The following CDK19 variants were observed in gnomAD, a reference collection of about 807,000 sequenced individuals.
CDK19 encodes cyclin-dependent kinase 19.
CDK19 carries 20 observed loss-of-function variants against 68.3 expected under a neutral mutation model. The ratio of observed to expected loss-of-function variants is 0.29; its 90% CI spans 0.21 to 0.43. The LOEUF (loss-of-function observed/expected upper bound fraction) is 0.43, where lower values mean the gene tolerates loss of function less well. CDK19 is among the 20% of genes least tolerant of loss of function. CDK19 has a pLI of 1.00. For synonymous variants in CDK19, 221 were observed against 222.8 expected (o/e 0.99, Z 0.07); for missense variants, 339 against 623.5 (o/e 0.54, Z 4.86).
intron 1 of CDK19, among the ~76,000 whole-genome samples, chr6:110,789,425 T>C (rs1781448370): frequency 1.3e-5 from 2 of 152,108 alleles, no homozygotes; most frequent in African/African-American, 4.8e-5. Context: ...ACTACAGGCA[T>C]GCACCACCAC....
At chr6:110,754,762 C>T (rs1778722036) in intron 1 of CDK19, among the ~76,000 whole-genome samples, 1 of 152,056 alleles carries the variant, frequency 6.6e-6, no homozygotes, top group South Asian at 2.1e-4. Context: ...TTACAGGCGT[C>T]AGCCACCCTG....
At chr6:110,671,796 T>A (rs79905154) in intron 2 of CDK19, among the ~76,000 whole-genome samples, 121 of 152,162 alleles carry the variant, frequency 8.0e-4, no homozygotes, top group African/African-American at 2.6e-3. Context: ...TTTTTTTTTT[T>A]AGACAGTGTC....
At chr6:110,643,292 C>T in intron 4 of CDK19, 1 of 815,730 alleles carries the variant, frequency 1.2e-6, no homozygotes. Context: ...AAAAGAGGTC[C>T]ACCTAAAGGT....
At chr6:110,634,976 AAG>A (rs1336206912) in intron 5 of CDK19, among the ~76,000 whole-genome samples, 1 of 152,242 alleles carries the variant, frequency 6.6e-6, no homozygotes, top group Non-Finnish European at 1.5e-5. Flanking sequence ...TGAACTTTAA[AAG>A]AGTTTCAAAC....
At chr6:110,807,838 C>T (rs1385000004) in intron 1 of CDK19, among the ~76,000 whole-genome samples, 2 of 150,380 alleles carry the variant, frequency 1.3e-5, no homozygotes, top group Non-Finnish European at 3.0e-5. Flanking sequence ...AAGAGAGTCT[C>T]GTTCTGCTGC....
chr6:110,720,108 A>G (rs904933696), intron 2 of CDK19, among the ~76,000 whole-genome samples: 4 of 151,882 alleles, frequency 2.6e-5, no homozygotes, highest in African/African-American at 9.7e-5. Flanking sequence ...ACCCTGATTC[A>G]TGAAGTCATG....
intron 1 of CDK19, among the ~76,000 whole-genome samples, chr6:110,777,864 T>G (rs1794591): frequency 0.29 from 43,409 of 151,966 alleles, 6,852 homozygotes; most frequent in East Asian, 0.68. Context: ...CATTATGCTA[T>G]GTCATATAAG....
chr6:110,703,314 T>C (rs1181135456), intron 2 of CDK19, among the ~76,000 whole-genome samples: 1 of 152,156 alleles, frequency 6.6e-6, no homozygotes, highest in Non-Finnish European at 1.5e-5. Flanking sequence ...ATGTTAGCAG[T>C]ACTTTGAATA....
In CDK19 at chr6:110,777,603, A is replaced by G. The variant is rs552852386; in HGVS notation, c.129-31402T>C. Among the ~76,000 whole-genome samples the G allele has an allele frequency of 5.3e-5, 8 of 152,330 alleles. No individual in the cohort carries two copies. The South Asian group carries it at 1.7e-3, about 32-fold the overall frequency. On this transcript the variant is annotated intron_variant, in intron 1 of 12. Coordinates refer to ENST00000368911, the MANE Select transcript of CDK19 (RefSeq NM_015076.5). The stretch of plus-strand genomic sequence containing the variant: ...TATAGTGGTTCATCAAAAAAATTAA[A>G]CAGAGAATTACCATATGATCCAGCA...
intron 4 of CDK19, among the ~76,000 whole-genome samples, chr6:110,644,801 G>A (rs1158015756): frequency 6.6e-6 from 1 of 152,036 alleles, no homozygotes; most frequent in African/African-American, 2.4e-5. Context: ...GGGGGCCAGG[G>A]GGAGGGGAGG....
chr6:110,807,127 T>C (rs1782731890), intron 1 of CDK19, among the ~76,000 whole-genome samples: 1 of 148,866 alleles, frequency 6.7e-6, no homozygotes, highest in South Asian at 2.1e-4. Flanking sequence ...TAGCAAGACC[T>C]CATCTCTACA....
intron 4 of CDK19, among the ~76,000 whole-genome samples, chr6:110,641,247 G>A (rs1780142094): frequency 6.6e-6 from 1 of 152,084 alleles, no homozygotes; most frequent in Non-Finnish European, 1.5e-5. Flanking sequence ...AAAACATGAA[G>A]ATCTTGACTT....
chr6:110,815,260 GCC>G lies in CDK19; in HGVS notation c.-126_-125del. The G allele has an allele frequency of 1.3e-4, 136 of 1,022,854 alleles. No individual in the cohort carries two copies. The highest frequency in any genetic ancestry group is 1.6e-4 in the Non-Finnish European group (122 of 781,642). The allele number at this position is 1,022,854 out of a possible 1,614,324, so 63.4% of individuals were successfully genotyped here. On this transcript the variant is annotated 5_prime_UTR_variant, in exon 1 of 13. Transcript: ENST00000368911. Reference sequence around the variant, plus strand: ...CGCCTCTCGCGCGCGCGCGCGCGCCGCCCGCCGCCCGCCGCTCCGCGGTCCGC... The same window carrying G: ...CGCCTCTCGCGCGCGCGCGCGCGCCGCGCCGCCCGCCGCTCCGCGGTCCGC...
Position 110,621,070 on chromosome 6 carries a change from T to G in CDK19, c.1377+34A>C. On this transcript the variant is annotated intron_variant, in intron 12 of 12. Coordinates refer to ENST00000368911, the MANE Select transcript of CDK19 (RefSeq NM_015076.5). This position sits in a 1 kb window ranked among gnomAD's most constrained non-coding sequence, Gnocchi z 5.4. ...TAGGATAAATCTTTTCCCCACTTCATAAAGCATATGAACATTAGACATTCA... is the reference window on the plus strand; with the variant it reads ...TAGGATAAATCTTTTCCCCACTTCAGAAAGCATATGAACATTAGACATTCA... 6.4e-7 allele frequency: 1 copy of G among 1,572,340 alleles called. No homozygotes were observed. Among genetic ancestry groups the G allele is most frequent in the Non-Finnish European group, 8.6e-7 (1 of 1,158,246 alleles).
chr6:110,720,047 G>GGGTTTAAC (rs1562230609), intron 2 of CDK19, among the ~76,000 whole-genome samples: 1 of 137,508 alleles, frequency 7.3e-6, no homozygotes, highest in Non-Finnish European at 1.5e-5. Flanking sequence ...ACTGTGCTCT[G>GGGTTTAAC]CCATGGCAGT....
At chr6:110,790,242 T>C (rs1781496342) in intron 1 of CDK19, among the ~76,000 whole-genome samples, 1 of 152,090 alleles carries the variant, frequency 6.6e-6, no homozygotes, top group East Asian at 1.9e-4. Flanking sequence ...TTTTTAATTA[T>C]ATAGGTTCTT....
chr6:110,662,000 C>T (rs1348222353), intron 4 of CDK19, among the ~76,000 whole-genome samples: 3 of 152,042 alleles, frequency 2.0e-5, no homozygotes, highest in African/African-American at 4.8e-5. Context: ...GACTGAGTCT[C>T]GCTCTATTGC....
chr6:110,621,262 C>A lies in CDK19; in HGVS notation c.1219G>T (p.Gly407Trp). 6.2e-7 allele frequency: 1 copy of A among 1,613,284 alleles called. No homozygotes were observed. The highest frequency in any genetic ancestry group is 8.5e-7 in the Non-Finnish European group (1 of 1,179,900). Residue 407 changes from glycine to tryptophan, a missense_variant, in exon 12 of 13, where the codon GGG (glycine) becomes TGG (tryptophan). Gly to Trp is a radical substitution (Grantham distance 184, BLOSUM62 -2). This residue lies in a region of CDK19 where 155 missense variants were observed against 222.7 expected (regional missense o/e 0.70). Transcript: ENST00000368911. The surrounding 1 kb of genome is among the most constrained non-coding windows in gnomAD (Gnocchi z 5.4). ...CCGGCCCCAGCCCCACCTGCGGTCC[C>A]GTTGGTCTGGGTGCTGTTCTGCTGT... ...PPQQNSTQTN[G>W]TAGGAGAGVG...
intron 8 of CDK19, among the ~76,000 whole-genome samples, chr6:110,625,334 T>A (rs190917311): frequency 3.7e-4 from 57 of 152,020 alleles, no homozygotes; most frequent in African/African-American, 1.1e-3. Context: ...TTTTTTTTTT[T>A]AATAAAAATA....
Sources: allele counts gnomAD v4.1 joint callset (sites outside exome capture counted in the v4.1 genomes callset), GRCh38; gene constraint gnomAD v4.1.1; regional missense constraint gnomAD v4.1.1; non-coding constraint Gnocchi (gnomAD v3.1); transcripts MANE v1.5; gene names NCBI Gene and HGNC (gene_info 2026-07-23, HGNC 2026-07-21).